Variants in PTK2B observed in about 807,000 individuals in gnomAD.
The protein encoded by PTK2B is protein tyrosine kinase 2 beta, also known as protein-tyrosine kinase 2-beta.
PTK2B carries 71 observed loss-of-function variants against 142.9 expected under a neutral mutation model. The observed-to-expected ratio is 0.50, with a 90% CI of 0.41 to 0.61. The LOEUF (loss-of-function observed/expected upper bound fraction) is 0.61, where lower values mean the gene tolerates loss of function less well. Ranked by LOEUF, PTK2B falls within the 20% of genes least tolerant of loss-of-function variation. The pLI, the probability that PTK2B is intolerant of heterozygous loss-of-function variation, is 0.00. For synonymous variants in PTK2B, 519 were observed against 503.4 expected (o/e 1.03, Z -0.42); for missense variants, 1,105 against 1,320.4 (o/e 0.84, Z 2.53).
intron 11 of PTK2B, 65 bp downstream of exon 11, chr8:27,433,617 C>T (rs906365532): frequency 1.6e-5 from 22 of 1,373,088 alleles, no homozygotes; most frequent in African/African-American, 4.3e-5. Context: ...TCCCCAGAGG[C>T]GGAGTGGCAG....
intron 21 of PTK2B, among the ~76,000 whole-genome samples, chr8:27,440,907 G>A (rs1017555195): frequency 1.3e-5 from 2 of 152,114 alleles, no homozygotes; most frequent in Admixed American, 6.5e-5. Context: ...GGGACCTGAG[G>A]GCCCGTCGGT....
chr8:27,341,615 C>T (rs1804406038), intron 1 of PTK2B, among the ~76,000 whole-genome samples: 1 of 152,142 alleles, frequency 6.6e-6, no homozygotes, highest in South Asian at 2.1e-4. Context: ...CTCACTGCAG[C>T]CCTTCAGCAT....
intron 1 of PTK2B, among the ~76,000 whole-genome samples, chr8:27,395,227 C>T (rs909847074): frequency 5.3e-5 from 8 of 152,210 alleles, no homozygotes; most frequent in Admixed American, 1.3e-4. Flanking sequence ...GGCAGTGTGG[C>T]GGGTTTGTTT....
intron 1 of PTK2B, among the ~76,000 whole-genome samples, chr8:27,328,226 G>C (rs1803533484): frequency 6.6e-6 from 1 of 152,230 alleles, no homozygotes; most frequent in South Asian, 2.1e-4. Flanking sequence ...AATTAAAGTA[G>C]AGAATCCAGA....
chr8:27,324,335 G>A (rs1803303022), upstream of PTK2B, among the ~76,000 whole-genome samples: 1 of 152,208 alleles, frequency 6.6e-6, no homozygotes, highest in Admixed American at 6.5e-5. Flanking sequence ...GAAGGGGTGG[G>A]GGGGCTCCAG....
At chr8:27,431,511 G>A (rs1386107155) in intron 9 of PTK2B, 39 bp downstream of exon 9, 2 of 1,611,716 alleles carry the variant, frequency 1.2e-6, no homozygotes, top group African/African-American at 1.3e-5. Context: ...GCCCCAGGCG[G>A]GGAGGTCGTC....
At chr8:27,420,110 A>G (rs758887638) in intron 3 of PTK2B, 37 bp downstream of exon 3, 1 of 1,609,478 alleles carries the variant, frequency 6.2e-7, no homozygotes, top group African/African-American at 1.3e-5. Context: ...AGTGGGAAGG[A>G]GAGGAATTTA....
chr8:27,436,096 C>T (rs1198970994), intron 14 of PTK2B, among the ~76,000 whole-genome samples, 155 bp from the exon 15 acceptor site: 1 of 152,112 alleles, frequency 6.6e-6, no homozygotes, highest in Non-Finnish European at 1.5e-5. Context: ...GACAGTGGAA[C>T]ATTCTAGACC....
chr8:27,439,043 C>G lies in PTK2B; in HGVS notation c.1656C>G (p.Val552=). 1.2e-6 allele frequency: 2 copies of G among 1,614,024 alleles called. No homozygotes were observed. The highest frequency in any genetic ancestry group is 1.7e-6 in the Non-Finnish European group (2 of 1,179,882). Residue 552 remains valine, a synonymous_variant, in exon 19 of 31, where the codon GTC becomes GTG. Coordinates refer to ENST00000346049, the MANE Select transcript of PTK2B (RefSeq NM_173176.3). Reference sequence around the variant, plus strand: ...GCCCTTCTTCCAGGGACATTGCTGTCCGGAACATCCTGGTGGCCTCCCCTG... The same window carrying G: ...GCCCTTCTTCCAGGGACATTGCTGTGCGGAACATCCTGGTGGCCTCCCCTG... ...SINCVHRDIA[V]RNILVASPEC... is the part of the protein sequence containing the mutation.
intron 2 of PTK2B, among the ~76,000 whole-genome samples, chr8:27,404,990 A>G (rs1297030147): frequency 1.4e-5 from 2 of 142,490 alleles, no homozygotes; most frequent in East Asian, 4.1e-4. Flanking sequence ...GGAAGAGGCT[A>G]GATTCCTCTC....
intron 8 of PTK2B, 102 bp downstream of exon 8, chr8:27,431,118 C>T: frequency 6.6e-7 from 1 of 1,519,388 alleles, no homozygotes; most frequent in Non-Finnish European, 8.9e-7. Flanking sequence ...GCTGCAGATT[C>T]TCACTCAGGC....
At chr8:27,392,601 A>G (rs1807794310) in intron 1 of PTK2B, among the ~76,000 whole-genome samples, 1 of 152,212 alleles carries the variant, frequency 6.6e-6, no homozygotes, top group Non-Finnish European at 1.5e-5. Context: ...AGAGCCAGTC[A>G]GAAAATGAGC....
chr8:27,314,837 A>T (rs1314784742), intron 3 of PTK2B, among the ~76,000 whole-genome samples: 1 of 152,202 alleles, frequency 6.6e-6, no homozygotes, highest in African/African-American at 2.4e-5. Flanking sequence ...GCTACTCTGG[A>T]GGCTGAGGTG....
chr8:27,361,833 C>G (rs1034210608), intron 1 of PTK2B, among the ~76,000 whole-genome samples: 1 of 152,146 alleles, frequency 6.6e-6, no homozygotes, highest in African/African-American at 2.4e-5. Flanking sequence ...TATCCGCCCC[C>G]CTGCTCCGCT....
Position 27,438,877 on chromosome 8 carries a change from G to T in PTK2B, c.1644-154G>T, listed in dbSNP as rs577894287. On this transcript the variant is annotated intron_variant, in intron 18 of 30. Coordinates refer to ENST00000346049, the MANE Select transcript of PTK2B (RefSeq NM_173176.3). ...GCTGTGGCAAGACCACTCGATGGGG[G>T]CAGTGACCCACAGAAGCTGCCCGAT... 3.3e-5 allele frequency among the ~76,000 whole-genome samples: 5 copies of T among 152,278 alleles called. No homozygotes were observed. In the East Asian group the frequency reaches 7.7e-4, roughly 24 times the overall value.
chr8:27,441,528 ACTGC>A (rs1325934574), intron 21 of PTK2B, among the ~76,000 whole-genome samples: 2 of 152,186 alleles, frequency 1.3e-5, no homozygotes, highest in South Asian at 2.1e-4. Flanking sequence ...GTCCCTGAAA[ACTGC>A]CTGGTGGGGA....
Position 27,430,339 on chromosome 8 carries a change from G to T in PTK2B, c.615-25G>T, listed in dbSNP as rs757225637. 3 of 1,614,088 alleles carry T rather than the reference G, an allele frequency of 1.9e-6. No individual in the cohort carries two copies. The South Asian group carries it at 3.3e-5, about 18-fold the overall frequency. ...TGGTGGGGGTGAGGGGGAGTCACAT[G>T]CTGCCTTTTTCTTCCTTCTTGCAGA... On this transcript the variant is annotated intron_variant, in intron 6 of 30. Transcript: ENST00000346049.
At chr8:27,375,616 T>C (rs1385057432) in intron 1 of PTK2B, among the ~76,000 whole-genome samples, 3 of 152,134 alleles carry the variant, frequency 2.0e-5, no homozygotes, top group African/African-American at 7.2e-5. Flanking sequence ...ATTGACTGCC[T>C]CCTGGTCATA....
intron 24 of PTK2B, 117 bp downstream of exon 24, chr8:27,446,036 G>A: frequency 7.0e-7 from 1 of 1,438,328 alleles, no homozygotes; most frequent in Non-Finnish European, 9.4e-7. Context: ...CTGTTCCCAT[G>A]CACCAGTCAG....
Sources: gnomAD v4.1 joint callset for allele counts (sites outside exome capture counted in the v4.1 genomes callset) on GRCh38, gnomAD v4.1.1 for gene constraint, MANE v1.5 for transcripts, NCBI Gene and HGNC (gene_info 2026-07-23, HGNC 2026-07-21) for gene names.